The following TMEM132D variants were observed in gnomAD, a reference collection of about 807,000 sequenced individuals.
The protein encoded by TMEM132D is transmembrane protein 132D.
A neutral mutation model predicts 62.3 loss-of-function variants in TMEM132D; 21 were observed. That is an observed-to-expected ratio of 0.34 (90% confidence interval 0.24 to 0.49). The LOEUF is 0.49. TMEM132D is among the 20% of genes least tolerant of loss of function. The pLI, the probability that TMEM132D is intolerant of heterozygous loss-of-function variation, is 0.99. For synonymous variants in TMEM132D, 621 were observed against 575.6 expected (o/e 1.08, Z -1.13); for missense variants, 1,346 against 1,402.8 (o/e 0.96, Z 0.65).
chr12:129,609,804 G>A (rs543301507), intron 2 of TMEM132D, among the ~76,000 whole-genome samples: 11 of 152,270 alleles, frequency 7.2e-5, no homozygotes, highest in Admixed American at 2.6e-4. Context: ...CTGTTACCAC[G>A]TGGATCTTCC....
At chr12:129,294,866 T>G (rs1329790747) in intron 4 of TMEM132D, among the ~76,000 whole-genome samples, 1 of 152,222 alleles carries the variant, frequency 6.6e-6, no homozygotes, top group Admixed American at 6.5e-5. Context: ...CTGTGTACTG[T>G]TTTCTCCAGT....
intron 2 of TMEM132D, among the ~76,000 whole-genome samples, chr12:129,646,730 T>A (rs1386106433): frequency 6.6e-6 from 1 of 152,088 alleles, no homozygotes; most frequent in East Asian, 1.9e-4. Flanking sequence ...TGTGCAAATG[T>A]GTGTATATGT....
Position 129,452,484 on chromosome 12 carries a change from T to A in TMEM132D, c.1115+78575A>T, listed in dbSNP as rs182241481. Among the ~76,000 whole-genome samples the A allele has an allele frequency of 1.5e-3, 232 of 152,320 alleles. 1 individual carries two copies. The highest frequency in any genetic ancestry group is 2.6e-3 in the Non-Finnish European group (179 of 68,028). On this transcript the variant is annotated intron_variant, in intron 3 of 8. Transcript: ENST00000422113. ...ATTCTTGCAAGGGGCTTCATCCTTG[T>A]CACACCTCATCAGTGATACTCTGGG...
intron 2 of TMEM132D, among the ~76,000 whole-genome samples, chr12:129,552,092 A>G (rs868366927): frequency 6.6e-6 from 1 of 152,192 alleles, no homozygotes; most frequent in South Asian, 2.1e-4. Context: ...GAGTAAATGA[A>G]TAAGTTGTGT....
At chr12:129,498,500 C>T (rs1469632406) in intron 3 of TMEM132D, among the ~76,000 whole-genome samples, 5 of 152,128 alleles carry the variant, frequency 3.3e-5, no homozygotes, top group African/African-American at 9.7e-5. Flanking sequence ...GTGATCCACC[C>T]GCCTCAGCCT....
chr12:129,810,210 C>T (rs979211047), intron 1 of TMEM132D, among the ~76,000 whole-genome samples: 1 of 151,778 alleles, frequency 6.6e-6, no homozygotes. Flanking sequence ...ATAGCGAAGA[C>T]AAGAAACCCA....
At chr12:129,443,215 A>C (rs1436799432) in intron 3 of TMEM132D, among the ~76,000 whole-genome samples, 2 of 152,040 alleles carry the variant, frequency 1.3e-5, no homozygotes, top group Non-Finnish European at 2.9e-5. Context: ...CCTGCACACA[A>C]ATCTCCATCT....
chr12:129,262,120 C>T (rs1880564842), intron 4 of TMEM132D, among the ~76,000 whole-genome samples: 3 of 152,164 alleles, frequency 2.0e-5, no homozygotes, highest in Admixed American at 1.3e-4. Context: ...ATGCCCCTGC[C>T]TGTGATGGTT....
chr12:129,210,985 G>T (rs1349723088), intron 4 of TMEM132D: 2 of 152,182 alleles, frequency 1.3e-5, no homozygotes, highest in Non-Finnish European at 2.9e-5. Context: ...TTTTTAACTG[G>T]TGGGGGACAG....
At chr12:129,255,218 G>A (rs572739115) in intron 4 of TMEM132D, among the ~76,000 whole-genome samples, 4 of 152,148 alleles carry the variant, frequency 2.6e-5, no homozygotes, top group Non-Finnish European at 5.9e-5. Flanking sequence ...CCTGAAGAAC[G>A]GTGAGCCAAT....
rs1297061541 is a variant in TMEM132D at position 129,371,186 on chromosome 12, CACTG to C, written c.1116-33373_1116-33370del. Among the ~76,000 whole-genome samples the C allele has an allele frequency of 2.6e-4, 39 of 152,222 alleles. No homozygotes were observed. The highest frequency in any genetic ancestry group is 1.7e-3 in the South Asian group (8 of 4,818). ...CAAAAGACTTGCTAAAACAAAGTCA[CACTG>C]ACTAAGTTTTCAAAAATATTACTTT... On this transcript the variant is annotated intron_variant, in intron 3 of 8. Coordinates refer to ENST00000422113, the MANE Select transcript of TMEM132D (RefSeq NM_133448.3). The surrounding 1 kb of genome is among the most constrained non-coding windows in gnomAD (Gnocchi z 4.3).
chr12:129,439,288 T>C (rs1010067695), intron 3 of TMEM132D, among the ~76,000 whole-genome samples: 7 of 152,236 alleles, frequency 4.6e-5, no homozygotes, highest in African/African-American at 1.7e-4. Flanking sequence ...TTGTATTTTA[T>C]TATGAGTCAT....
At chr12:129,525,408 T>C (rs76797167) in intron 3 of TMEM132D, among the ~76,000 whole-genome samples, 23,790 of 151,864 alleles carry the variant, frequency 0.16, 2,113 homozygotes, top group Non-Finnish European at 0.2. Context: ...TTTGTTATCA[T>C]TGATACAGGC....
intron 4 of TMEM132D, among the ~76,000 whole-genome samples, chr12:129,318,338 C>T (rs1413151554): frequency 6.6e-6 from 1 of 152,068 alleles, no homozygotes; most frequent in Admixed American, 6.6e-5. Flanking sequence ...TGGGGTAGTC[C>T]CTTGATGTAA....
chr12:129,703,471 T>TC (rs992277321), intron 1 of TMEM132D, among the ~76,000 whole-genome samples: 3 of 151,778 alleles, frequency 2.0e-5, no homozygotes, highest in African/African-American at 7.3e-5. Context: ...CTTTCTTTTT[T>TC]TTTTTTAACT....
intron 5 of TMEM132D, among the ~76,000 whole-genome samples, chr12:129,142,493 C>T (rs545091697): frequency 1.3e-5 from 2 of 152,238 alleles, no homozygotes; most frequent in South Asian, 4.2e-4. Flanking sequence ...TAAGCTGTTT[C>T]AAGCATTTAT....
chr12:129,337,441 G>GCACACACACACACA (rs34583805), intron 4 of TMEM132D, among the ~76,000 whole-genome samples, 193 bp downstream of exon 4: 2,200 of 148,200 alleles, frequency 0.015, 22 homozygotes, highest in Admixed American at 0.031. Flanking sequence ...ATACACACAC[G>GCACACACACACACA]CACACACACA....
chr12:129,195,334 A>AG (rs1878517817), intron 5 of TMEM132D, among the ~76,000 whole-genome samples: 1 of 151,834 alleles, frequency 6.6e-6, no homozygotes, highest in African/African-American at 2.4e-5. Context: ...TGAGGATGGT[A>AG]GGGGCTAAGA....
chr12:129,863,262 A>G (rs115957137), intron 1 of TMEM132D, among the ~76,000 whole-genome samples: 1,998 of 152,192 alleles, frequency 0.013, 37 homozygotes, highest in African/African-American at 0.045. Flanking sequence ...TCAGCTAGCC[A>G]GCCACCCCCA....
Sources: gnomAD v4.1 joint callset for allele counts (sites outside exome capture counted in the v4.1 genomes callset) on GRCh38, gnomAD v4.1.1 for gene constraint, Gnocchi (gnomAD v3.1) non-coding constraint, MANE v1.5 for transcripts, NCBI Gene and HGNC (gene_info 2026-07-23, HGNC 2026-07-21) for gene names.